Variants in MICAL2 observed in about 807,000 individuals in gnomAD.
The protein encoded by MICAL2 is [F-actin]-monooxygenase MICAL2.
Under a neutral mutation model 127.3 loss-of-function variants are expected in MICAL2, and 77 were observed. The ratio of observed to expected loss-of-function variants is 0.60; its 90% CI spans 0.50 to 0.73. The LOEUF is 0.73. Ranked by LOEUF, MICAL2 falls within the 30% of genes least tolerant of loss-of-function variation. The probability of loss-of-function intolerance (pLI) is 0.00; values close to 1 mark genes in which losing one functional copy is unlikely to be tolerated. For synonymous variants in MICAL2, 570 were observed against 551.1 expected, an observed-to-expected ratio of 1.03 and a Z score of -0.48; for missense variants, 1,351 against 1,434.4, an observed-to-expected ratio of 0.94 and a Z score of 0.94.
rs184232327 is a variant in MICAL2 at position 12,164,561 on chromosome 11, A to G, written c.264+2142A>G. Reference sequence around the variant, plus strand: ...TGGGTGCTTTGATGCTTTGCTCTCTATTGGCTCCATGCTTCCCTCCTGCAA... The same window carrying G: ...TGGGTGCTTTGATGCTTTGCTCTCTGTTGGCTCCATGCTTCCCTCCTGCAA... On this transcript the variant is annotated intron_variant, in intron 3 of 27. Transcript: ENST00000683283. 3.1e-4 allele frequency among the ~76,000 whole-genome samples: 47 copies of G among 152,262 alleles called. 1 individual carries two copies. The highest frequency in any genetic ancestry group is 2.8e-3 in the Admixed American group (43 of 15,292).
At chr11:12,111,133 C>A (rs752498400) in intron 1 of MICAL2, among the ~76,000 whole-genome samples, 1 of 152,192 alleles carries the variant, frequency 6.6e-6, no homozygotes, top group Non-Finnish European at 1.5e-5. Flanking sequence ...GGGCTCCGAG[C>A]CTTGCACGCC....
chr11:12,294,129 C>T (rs749465608), downstream of MICAL2: 18 of 1,613,818 alleles, frequency 1.1e-5, no homozygotes, highest in Non-Finnish European at 1.4e-5. Flanking sequence ...CTGCTGCTCC[C>T]TAGGGCAGCA....
chr11:12,211,040 A>C (rs555081056), intron 6 of MICAL2, among the ~76,000 whole-genome samples: 2 of 152,322 alleles, frequency 1.3e-5, no homozygotes, highest in East Asian at 3.9e-4. Context: ...CCCTTTTGAC[A>C]AAGGTCTAAT....
chr11:12,289,978 G>A (rs1177415285), downstream of MICAL2, among the ~76,000 whole-genome samples: 1 of 152,216 alleles, frequency 6.6e-6, no homozygotes, highest in Non-Finnish European at 1.5e-5. Context: ...CTTGCTCAGA[G>A]CCAGGCAGCT....
chr11:12,190,834 A>G lies in MICAL2; in HGVS notation c.265-13416A>G, dbSNP rs7928607. ...TTTAAGTAGCAGGACTTCAACTTCAATGTCCTCACCTGAAATCAAGAGATA... is the reference window on the plus strand; with the variant it reads ...TTTAAGTAGCAGGACTTCAACTTCAGTGTCCTCACCTGAAATCAAGAGATA... On this transcript the variant is annotated intron_variant, in intron 3 of 27. Coordinates refer to ENST00000683283, the MANE Select transcript of MICAL2 (RefSeq NM_001282663.2). 9.3e-3 allele frequency among the ~76,000 whole-genome samples: 1,422 copies of G among 152,350 alleles called. 25 individuals are homozygous for G. The highest frequency in any genetic ancestry group is 0.033 in the African/African-American group (1,364 of 41,576).
chr11:12,331,503 G>A (rs1864428122), intron 32 of MICAL2, among the ~76,000 whole-genome samples: 1 of 152,148 alleles, frequency 6.6e-6, no homozygotes, highest in Non-Finnish European at 1.5e-5. Context: ...CATTATGTGA[G>A]AAATGCTAGC....
At chr11:12,294,795 C>T, downstream of MICAL2, 1 of 1,599,668 alleles carries the variant, frequency 6.3e-7, no homozygotes, top group South Asian at 1.1e-5. Context: ...CTGCGCCAGG[C>T]AGCTCCTCCT....
Position 12,241,120 on chromosome 11 carries a change from G to C in MICAL2, c.2295G>C (p.Pro765=). 5 of 1,614,072 alleles carry C rather than the reference G, an allele frequency of 3.1e-6. No individual in the cohort carries two copies. The highest frequency in any genetic ancestry group is 3.4e-6 in the Non-Finnish European group (4 of 1,180,014). Residue 765 remains proline (P), a synonymous_variant, in exon 18 of 28, where the codon CCG becomes CCC. Transcript: ENST00000683283. ...CTGTTCACTCTTGCTGCCCCAAGCC[G>C]GAGGAGGCCACACCCAGCCCATCAC... ...GPPVHSCCPK[P]EEATPSPSPP...
chr11:12,347,907 A>G (rs1165433891), intron 32 of MICAL2, among the ~76,000 whole-genome samples: 1 of 152,112 alleles, frequency 6.6e-6, no homozygotes, highest in Non-Finnish European at 1.5e-5. Flanking sequence ...TAATCCCAAC[A>G]CTTCGGGAGG....
chr11:12,224,498 C>G, intron 12 of MICAL2, 175 bp from the exon 13 acceptor site: 1 of 700,830 alleles, frequency 1.4e-6, no homozygotes, highest in Non-Finnish European at 2.3e-6. Context: ...CTGACCAGGC[C>G]CCCAAGCAGC....
chr11:12,173,773 A>T (rs1399496832), intron 3 of MICAL2, among the ~76,000 whole-genome samples: 5 of 152,136 alleles, frequency 3.3e-5, no homozygotes, highest in Non-Finnish European at 5.9e-5. Context: ...TATTTCATGT[A>T]AGTGGAATCA....
rs1857434971 is a variant in MICAL2 at position 12,226,281 on chromosome 11, C to T, written c.1799C>T (p.Ala600Val). The T allele has an allele frequency of 1.9e-6, 3 of 1,614,132 alleles. No homozygotes were observed. The highest frequency in any genetic ancestry group is 2.2e-5 in the South Asian group (2 of 91,090). Reference protein sequence around the residue: ...IPPVTTGKEMASAQEPDKLSM... With the variant: ...IPPVTTGKEMVSAQEPDKLSM... ...CCAGTGACCACGGGCAAAGAGATGGCATCTGCCCAGGAGCCTGACAAGCTC... is the reference window on the plus strand; with the variant it reads ...CCAGTGACCACGGGCAAAGAGATGGTATCTGCCCAGGAGCCTGACAAGCTC... Residue 600 changes from alanine to valine, a missense_variant, in exon 14 of 28, where the codon GCA (alanine) becomes GTA (valine). Ala to Val is a moderately conservative substitution (Grantham distance 64). Around this residue, in one of 2 missense-constraint regions of MICAL2, gnomAD observed 752 missense variants for 719.4 expected, o/e 1.05. Coordinates refer to ENST00000683283, the MANE Select transcript of MICAL2 (RefSeq NM_001282663.2).
chr11:12,302,256 A>T (rs1864055852), intron 29 of MICAL2, among the ~76,000 whole-genome samples: 1 of 152,210 alleles, frequency 6.6e-6, no homozygotes, highest in Non-Finnish European at 1.5e-5. Flanking sequence ...TTTGGTTAAG[A>T]AAAGAACATT....
intron 3 of MICAL2, chr11:12,197,789 A>C (rs964819377): frequency 9.9e-5 from 15 of 152,272 alleles, no homozygotes; most frequent in African/African-American, 3.6e-4. Flanking sequence ...CAGACCCTGC[A>C]GCTACTGGTT....
chr11:12,269,483 T>C (rs748964573), intron 24 of MICAL2, among the ~76,000 whole-genome samples: 7 of 152,164 alleles, frequency 4.6e-5, no homozygotes, highest in Non-Finnish European at 8.8e-5. Context: ...TGCAGAGCTG[T>C]TGGGAAGATA....
chr11:12,169,188 C>T (rs1855935316), intron 3 of MICAL2, among the ~76,000 whole-genome samples: 1 of 151,040 alleles, frequency 6.6e-6, no homozygotes, highest in African/African-American at 2.4e-5. Flanking sequence ...TGGATGCATG[C>T]ACTGCCCCCT....
chr11:12,146,517 A>G (rs547147145), intron 2 of MICAL2, among the ~76,000 whole-genome samples: 4 of 152,366 alleles, frequency 2.6e-5, no homozygotes, highest in African/African-American at 9.6e-5. Context: ...GTGAGATACC[A>G]TCTCACACCA....
upstream of MICAL2, among the ~76,000 whole-genome samples, chr11:12,275,245 G>A (rs1247336277): frequency 6.6e-6 from 1 of 152,208 alleles, no homozygotes; most frequent in Non-Finnish European, 1.5e-5. Context: ...TGTTGAGTCT[G>A]ATGTGTCTGT....
In MICAL2 at chr11:12,211,849, G is replaced by A. The variant is rs777697363; in HGVS notation, c.692-1406G>A. On this transcript the variant is annotated intron_variant, in intron 6 of 27. Transcript: ENST00000683283. ...CCTGCAGAAACGGTCCAATGGCGGC[G>A]GGCTGGACAGCACAACAGCCCAGTG... is the stretch of plus-strand genomic sequence containing the variant. Among the ~76,000 whole-genome samples the A allele has an allele frequency of 2.6e-5, 4 of 152,172 alleles. No individual in the cohort carries two copies. The East Asian group carries it at 5.8e-4, about 22-fold the overall frequency.
Sources: allele counts gnomAD v4.1 joint callset (sites outside exome capture counted in the v4.1 genomes callset), GRCh38; gene constraint gnomAD v4.1.1; regional missense constraint gnomAD v4.1.1; transcripts MANE v1.5; gene names NCBI Gene and HGNC (gene_info 2026-07-23, HGNC 2026-07-21).